The following ECHDC2 variants were observed in gnomAD, a reference collection of about 807,000 sequenced individuals.
ECHDC2 encodes enoyl-CoA hydratase domain-containing protein 2, mitochondrial.
A neutral mutation model predicts 40.6 loss-of-function variants in ECHDC2; 34 were observed. The observed-to-expected ratio is 0.84, with a 90% CI of 0.64 to 1.11. The LOEUF (loss-of-function observed/expected upper bound fraction) is 1.11, where lower values mean the gene tolerates loss of function less well. Among genes scored for constraint, ECHDC2 ranks in the 50% most tolerant of loss-of-function variants. The pLI, the probability that ECHDC2 is intolerant of heterozygous loss-of-function variation, is 0.00. For synonymous variants in ECHDC2, 162 were observed against 166.6 expected (o/e 0.97, Z 0.21); for missense variants, 392 against 400.7 (o/e 0.98, Z 0.19).
chr1:52,899,312 G>C, intron 7 of ECHDC2, 88 bp from the exon 8 acceptor site: 1 of 1,257,274 alleles, frequency 8.0e-7, no homozygotes, highest in Non-Finnish European at 1.1e-6. Context: ...TTAAAGGAGG[G>C]AGGCAGATGT....
At chr1:52,921,344 C>T in intron 1 of ECHDC2, 2 of 1,240,092 alleles carry the variant, frequency 1.6e-6, no homozygotes, top group Non-Finnish European at 2.1e-6. Flanking sequence ...ACCGAGGTTG[C>T]CAGAGGCCCC....
intron 7 of ECHDC2, chr1:52,901,540 T>C (rs1427141387): frequency 6.6e-6 from 1 of 152,248 alleles, no homozygotes; most frequent in African/African-American, 2.4e-5. Flanking sequence ...CTGGAACCAT[T>C]TGCTACCCTA....
chr1:52,904,116 C>A (rs1647199349), intron 7 of ECHDC2, among the ~76,000 whole-genome samples: 1 of 152,080 alleles, frequency 6.6e-6, no homozygotes, highest in Non-Finnish European at 1.5e-5. Context: ...CTGCCCAGCC[C>A]ACATGTTGTA....
At chr1:52,905,566 A>C (rs1344408146) in intron 5 of ECHDC2, 1 of 164,068 alleles carries the variant, frequency 6.1e-6, no homozygotes, top group African/African-American at 2.4e-5. Context: ...TCACAGCCTG[A>C]AATTGCCCTG....
intron 5 of ECHDC2, 44 bp downstream of exon 5, chr1:52,906,473 CCT>C: frequency 6.8e-7 from 1 of 1,478,394 alleles, no homozygotes; most frequent in Non-Finnish European, 9.3e-7. Flanking sequence ...TTCACTCACC[CCT>C]GACTCCCTAG....
At chr1:52,897,240 A>T in intron 9 of ECHDC2, 197 bp downstream of exon 9, 1 of 621,390 alleles carries the variant, frequency 1.6e-6, no homozygotes, top group South Asian at 1.9e-5. Flanking sequence ...AGTACATTAG[A>T]TGGTTGAGGG....
At chr1:52,908,283 G>A (rs1194260405) in intron 3 of ECHDC2, among the ~76,000 whole-genome samples, 1 of 152,098 alleles carries the variant, frequency 6.6e-6, no homozygotes, top group African/African-American at 2.4e-5. Context: ...GCCGAGGCAG[G>A]TGCATCACCT....
chr1:52,917,432 T>C, intron 1 of ECHDC2: 1 of 393,132 alleles, frequency 2.5e-6, no homozygotes, highest in Non-Finnish European at 5.1e-6. Context: ...AAGGACAGTG[T>C]GGGGGACGGA....
rs373797609 is a variant in ECHDC2, at chr1:52,905,060, G to T, written c.488C>A (p.Thr163Asn). 1 of 1,614,076 alleles carries T rather than the reference G, an allele frequency of 6.2e-7. No homozygotes were observed. The highest frequency in any genetic ancestry group is 1.3e-5 in the African/African-American group (1 of 74,916). ...TGCCCCCGGGAGGAGCCCTCGCGTG[G>T]TCTCAATCAGTCCCATGACTGCCGA... ...ASSAVMGLIE[T>N]TRGLLPGAGG... The change falls in exon 6 of 10, where the codon ACC becomes AAC. Residue 163 changes from threonine (T) to asparagine (N), a missense_variant. Transcript: ENST00000371522.
At chr1:52,903,623 G>A (rs115439701) in intron 7 of ECHDC2, among the ~76,000 whole-genome samples, 1,596 of 151,770 alleles carry the variant, frequency 0.011, 13 homozygotes, top group Non-Finnish European at 0.015. Context: ...AGCCTGGCCC[G>A]TCACGGTGGT....
chr1:52,920,294 G>A (rs915484552), intron 1 of ECHDC2: 1 of 590,238 alleles, frequency 1.7e-6, no homozygotes, highest in African/African-American at 1.9e-5. Flanking sequence ...TGGGAACAGT[G>A]GGCAACAGCA....
intron 1 of ECHDC2, chr1:52,920,365 A>G: frequency 2.9e-6 from 2 of 683,304 alleles, no homozygotes; most frequent in Non-Finnish European, 2.6e-6. Flanking sequence ...CAAGCCGGTA[A>G]AAAGGAAGCA....
intron 4 of ECHDC2, chr1:52,907,585 A>G: frequency 2.5e-6 from 1 of 400,262 alleles, no homozygotes. Context: ...AGGTAACAGC[A>G]ATTGTCAAAA....
At position 52,896,376 on chromosome 1, in the gene ECHDC2, C is replaced by G; in HGVS notation, c.*144G>C. On this transcript the variant is annotated 3_prime_UTR_variant, in exon 10 of 10. Coordinates refer to ENST00000371522, the MANE Select transcript of ECHDC2 (RefSeq NM_001198961.2). The stretch of plus-strand genomic sequence containing the variant: ...AGCACCTTGGTTCCAGGCATCACGC[C>G]AGTCATTTTATTTCCATCATCATCC... The G allele has an allele frequency of 1.4e-6, 1 of 722,186 alleles. No individual in the cohort carries two copies. Among genetic ancestry groups the G allele is most frequent in the East Asian group, 2.6e-5 (1 of 38,436 alleles). 44.7% of individuals were successfully genotyped at this position (722,186 alleles called of 1,614,324 possible).
At chr1:52,909,087 C>A (rs1254653304) in intron 3 of ECHDC2, among the ~76,000 whole-genome samples, 1 of 152,110 alleles carries the variant, frequency 6.6e-6, no homozygotes, top group Non-Finnish European at 1.5e-5. Flanking sequence ...TACCTCACGT[C>A]TATTAGAATG....
chr1:52,904,868 A>T, intron 6 of ECHDC2, 35 bp from the exon 7 acceptor site: 6 of 1,601,768 alleles, frequency 3.7e-6, no homozygotes, highest in Non-Finnish European at 4.3e-6. Flanking sequence ...GGGAATCAGC[A>T]TGGGAAGTGG....
chr1:52,916,099 G>A (rs772069585), intron 1 of ECHDC2, among the ~76,000 whole-genome samples: 10 of 152,210 alleles, frequency 6.6e-5, no homozygotes, highest in Non-Finnish European at 1.2e-4. Context: ...ACTCCCGACT[G>A]CAGCCCAGCC....
rs1650188321 is a variant in ECHDC2 at position 52,914,222 on chromosome 1, T to C, written c.122-2432A>G. On this transcript the variant is annotated intron_variant, in intron 1 of 9. Transcript: ENST00000371522. This position sits in a 1 kb window ranked among gnomAD's most constrained non-coding sequence, Gnocchi z 4.0. The stretch of plus-strand genomic sequence containing the variant: ...AGTATAGAAGGTCAGCAATGAGTTA[T>C]CAGAGGAGGCAGTGGCCTTTAAGCT... 5.2e-6 allele frequency: 2 copies of C among 382,170 alleles called. No individual in the cohort carries two copies. The highest frequency in any genetic ancestry group is 3.9e-5 in the South Asian group (2 of 50,680). The allele number at this position is 382,170 out of a possible 1,614,324, so 23.7% of individuals were successfully genotyped here. A position where few individuals can be genotyped will look rare whatever the true frequency, so the allele number is the denominator to read the frequency against.
intron 7 of ECHDC2, chr1:52,899,438 G>A: frequency 5.1e-6 from 3 of 586,300 alleles, no homozygotes; most frequent in East Asian, 2.9e-5. Flanking sequence ...CTGAACACCT[G>A]GGTTTCTTGT....
Sources: gnomAD v4.1 joint callset for allele counts (sites outside exome capture counted in the v4.1 genomes callset) on GRCh38, gnomAD v4.1.1 for gene constraint, Gnocchi (gnomAD v3.1) non-coding constraint, MANE v1.5 for transcripts, NCBI Gene and HGNC (gene_info 2026-07-23, HGNC 2026-07-21) for gene names.